The following LIN7B variants were observed in gnomAD, a reference collection of about 807,000 sequenced individuals.
LIN7B encodes protein lin-7 homolog B.
In LIN7B, 16 loss-of-function variants were observed where a neutral mutation model predicts 27.9. The observed-to-expected ratio is 0.57, with a 90% CI of 0.39 to 0.87. The LOEUF (loss-of-function observed/expected upper bound fraction) is 0.87, where lower values mean the gene tolerates loss of function less well. Ranked by LOEUF, LIN7B falls within the 40% of genes least tolerant of loss-of-function variation. The pLI is 0.00. For missense variants in LIN7B, 291 were observed against 288.5 expected (o/e 1.01, Z -0.06); for synonymous variants, 147 against 120.8 (o/e 1.22, Z -1.42).
chr19:49,117,841 G>T lies in LIN7B; in HGVS notation c.439-14G>T. On this transcript the variant is annotated splice_polypyrimidine_tract_variant and intron_variant, in intron 4 of 5. Coordinates refer to ENST00000221459, the MANE Select transcript of LIN7B (RefSeq NM_022165.3). ...GCGGGCCCCAGGCTCAGCTGTCTGT[G>T]TTGGGCCCTGCAGAGCGTTGAGGGT... is the stretch of plus-strand genomic sequence containing the variant. The T allele has an allele frequency of 6.2e-7, 1 of 1,612,352 alleles. No homozygotes were observed. The highest frequency in any genetic ancestry group is 8.5e-7 in the Non-Finnish European group (1 of 1,178,718).
At chr19:49,116,139 C>T (rs1368510153) in intron 3 of LIN7B, 124 bp from the exon 4 acceptor site, 1 of 713,322 alleles carries the variant, frequency 1.4e-6, no homozygotes, top group Non-Finnish European at 2.4e-6. Context: ...TGTGCCATGA[C>T]AAGTGTCCCA....
intron 3 of LIN7B, chr19:49,115,569 A>G (rs981558572): frequency 4.0e-6 from 2 of 498,570 alleles, no homozygotes; most frequent in African/African-American, 4.0e-5. Flanking sequence ...CAACATCTGT[A>G]CAGTGCAAAC....
In LIN7B at chr19:49,114,424, C is replaced by G; in HGVS notation, c.20C>G (p.Pro7Arg). The G allele has an allele frequency of 8.3e-7, 1 of 1,206,194 alleles. No individual in the cohort carries two copies. Among genetic ancestry groups the G allele is most frequent in the Non-Finnish European group, 1.0e-6 (1 of 971,442 alleles). 74.7% of individuals were successfully genotyped at this position (1,206,194 alleles called of 1,614,324 possible). Residue 7 changes from proline (P) to arginine (R), a missense_variant, in exon 1 of 6, where the codon CCG becomes CGG. Transcript: ENST00000221459. MAALVE[P>R]LGLERDVSRA... ...GCCGACATGGCTGCGCTGGTGGAGC[C>G]GCTGGGGCTGGAGCGGGGTAAGCGT...
In LIN7B at chr19:49,115,441, C is replaced by T. The variant is rs1008060066; in HGVS notation, c.228+110C>T. 2.7e-5 allele frequency: 25 copies of T among 943,334 alleles called. No individual in the cohort carries two copies. The African/African-American group carries it at 4.0e-4, about 15-fold the overall frequency. 58.4% of individuals were successfully genotyped at this position (943,334 alleles called of 1,614,324 possible). A position where few individuals can be genotyped will look rare whatever the true frequency, so the allele number is the denominator to read the frequency against. On this transcript the variant is annotated intron_variant, in intron 3 of 5. Transcript: ENST00000221459. Reference sequence around the variant, plus strand: ...TCCTCCCTCATGATTTTTGCTAAATCTATGTGCCACCTTACTATTAGTAAA... The same window carrying T: ...TCCTCCCTCATGATTTTTGCTAAATTTATGTGCCACCTTACTATTAGTAAA...
chr19:49,115,152 G>C, intron 2 of LIN7B, 108 bp from the exon 3 acceptor site: 2 of 1,030,668 alleles, frequency 1.9e-6, no homozygotes, highest in Admixed American at 3.2e-5. Flanking sequence ...TGTTGCGGGG[G>C]CGGGGCGGAT....
chr19:49,116,325 C>G lies in LIN7B; in HGVS notation c.291C>G (p.Pro97=). 1 of 1,614,176 alleles carries G rather than the reference C, an allele frequency of 6.2e-7. No individual in the cohort carries two copies. Among genetic ancestry groups the G allele is most frequent in the South Asian group, 1.1e-5 (1 of 91,076 alleles). ...GHAHPRVVEL[P]KTDEGLGFNI... is the part of the protein sequence containing the mutation. ...CACATCCCAGGGTAGTGGAGCTACC[C>G]AAGACGGATGAGGGCCTAGGCTTCA... Residue 97 remains proline, a synonymous_variant, in exon 4 of 6, where the codon CCC becomes CCG. Transcript: ENST00000221459.
Position 49,117,903 on chromosome 19 carries a change from G to C in LIN7B, c.487G>C (p.Ala163Pro). 6.2e-7 allele frequency: 1 copy of C among 1,614,028 alleles called. No individual in the cohort carries two copies. Among genetic ancestry groups the C allele is most frequent in the Non-Finnish European group, 8.5e-7 (1 of 1,179,958 alleles). ...HEKAVELLKA[A>P]QGSVKLVVRY... ...GAAGGCGGTGGAGCTGCTGAAGGCGGCCCAGGGCTCGGTGAAGCTGGTTGT... is the reference window on the plus strand; with the variant it reads ...GAAGGCGGTGGAGCTGCTGAAGGCGCCCCAGGGCTCGGTGAAGCTGGTTGT... Residue 163 changes from alanine (A) to proline (P), a missense_variant, in exon 5 of 6, where the codon GCC (alanine) becomes CCC (proline). Transcript: ENST00000221459.
intron 4 of LIN7B, among the ~76,000 whole-genome samples, chr19:49,117,375 C>T (rs7252599): frequency 0.3 from 44,983 of 151,544 alleles, 6,999 homozygotes; most frequent in African/African-American, 0.34. Context: ...CCCATGGGTG[C>T]TGGGGAGCTA....
intron 4 of LIN7B, among the ~76,000 whole-genome samples, chr19:49,116,960 G>A (rs921460430): frequency 6.6e-6 from 1 of 152,022 alleles, no homozygotes; most frequent in Admixed American, 6.6e-5. Flanking sequence ...AATCACTGTG[G>A]TTAGGCTGGG....
chr19:49,117,793 C>T, intron 4 of LIN7B, 62 bp from the exon 5 acceptor site: 2 of 1,488,154 alleles, frequency 1.3e-6, no homozygotes, highest in East Asian at 2.3e-5. Flanking sequence ...GTCCCATCTC[C>T]CAGTGGGGGC....
rs1357531350 is a variant in LIN7B, at chr19:49,114,838, C to T, written c.38-11C>T. On this transcript the variant is annotated splice_polypyrimidine_tract_variant and intron_variant, in intron 1 of 5. Coordinates refer to ENST00000221459, the MANE Select transcript of LIN7B (RefSeq NM_022165.3). ...CACTCGGGGTTTCTGCGCCCCGCCC[C>T]CGCCCCGCAGACGTGTCCCGGGCGG... 3 of 1,417,440 alleles carry T rather than the reference C, an allele frequency of 2.1e-6. No homozygotes were observed. The highest frequency in any genetic ancestry group is 2.8e-6 in the Non-Finnish European group (3 of 1,083,766). 87.8% of individuals were successfully genotyped at this position (1,417,440 alleles called of 1,614,324 possible).
rs750181456 is a variant in LIN7B, at chr19:49,114,984, G to A, written c.156+17G>A. ...ATCCGAGAGGTGAGGGGCGCGCGGCGCAGGGGCGCGAGCTGGTGGCCGTCG... is the reference window on the plus strand; with the variant it reads ...ATCCGAGAGGTGAGGGGCGCGCGGCACAGGGGCGCGAGCTGGTGGCCGTCG... On this transcript the variant is annotated intron_variant, in intron 2 of 5. Transcript: ENST00000221459. 4.2e-5 allele frequency: 58 copies of A among 1,377,336 alleles called. No individual in the cohort carries two copies. Among genetic ancestry groups the A allele is most frequent in the Non-Finnish European group, 1.0e-5 (11 of 1,052,694 alleles). 85.3% of individuals were successfully genotyped at this position (1,377,336 alleles called of 1,614,324 possible).
Position 49,118,456 on chromosome 19 carries a change from C to T in LIN7B, c.*83C>T. ...GGCACTTTATTTAAAGATATTTGAC[C>T]CTCACTGAGTGTCTGTGTGTCTGTC... On this transcript the variant is annotated 3_prime_UTR_variant, in exon 6 of 6. Coordinates refer to ENST00000221459, the MANE Select transcript of LIN7B (RefSeq NM_022165.3). 3 of 1,562,196 alleles carry T rather than the reference C, an allele frequency of 1.9e-6. No homozygotes were observed. Among genetic ancestry groups the T allele is most frequent in the South Asian group, 1.1e-5 (1 of 89,948 alleles).
chr19:49,118,244 A>T, intron 5 of LIN7B, 108 bp from the exon 6 acceptor site: 1 of 1,378,850 alleles, frequency 7.3e-7, no homozygotes, highest in Non-Finnish European at 1.0e-6. Flanking sequence ...TGTGGCTGGG[A>T]TCCCTCAGCC....
At chr19:49,118,233 C>A in intron 5 of LIN7B, 119 bp from the exon 6 acceptor site, 1 of 1,356,860 alleles carries the variant, frequency 7.4e-7, no homozygotes, top group Non-Finnish European at 1.0e-6. Flanking sequence ...ACGGAACCTA[C>A]TGTGGCTGGG....
Position 49,116,467 on chromosome 19 carries a change from G to C in LIN7B, c.433G>C (p.Gly145Arg), listed in dbSNP as rs768322447. The C allele has an allele frequency of 6.2e-7, 1 of 1,613,586 alleles. No individual in the cohort carries two copies. Among genetic ancestry groups the C allele is most frequent in the African/African-American group, 1.3e-5 (1 of 74,926 alleles). The change falls in exon 4 of 6, where the codon GGT becomes CGT. Residue 145 changes from glycine (G) to arginine (R), a missense_variant. Coordinates refer to ENST00000221459, the MANE Select transcript of LIN7B (RefSeq NM_022165.3). The part of the protein sequence containing the change: ...KRGDQLLSVN[G>R]VSVEGEQHEK... ...TGGGGATCAACTGTTGTCGGTGAAC[G>C]GTGTGGTGAGTGGAGGGCTGAGGCA... is the stretch of plus-strand genomic sequence containing the variant.
At chr19:49,116,759 TACAGGA>T (rs1262093429) in intron 4 of LIN7B, among the ~76,000 whole-genome samples, 1 of 152,176 alleles carries the variant, frequency 6.6e-6, no homozygotes, top group Non-Finnish European at 1.5e-5. Flanking sequence ...CCAGCATAGA[TACAGGA>T]AGGTTTTGCA....
At chr19:49,116,671 C>T (rs977015680) in intron 4 of LIN7B, among the ~76,000 whole-genome samples, 199 bp downstream of exon 4, 3 of 152,198 alleles carry the variant, frequency 2.0e-5, no homozygotes, top group Non-Finnish European at 2.9e-5. Flanking sequence ...CAGTAGGCCC[C>T]GGCTGAAATA....
At position 49,115,305 on chromosome 19, in the gene LIN7B, G is replaced by T; in HGVS notation, c.202G>T (p.Glu68Ter). 1 of 1,572,444 alleles carries T rather than the reference G, an allele frequency of 6.4e-7. No individual in the cohort carries two copies. The change falls in exon 3 of 6, where the codon GAG becomes TAG. Residue 68 changes from glutamate (E) to a stop codon, truncating the protein, a stop_gained. Coordinates refer to ENST00000221459, the MANE Select transcript of LIN7B (RefSeq NM_022165.3). LOFTEE classifies it high-confidence loss of function. ...YDTLDITGSAEIRAHATAKAT... is the reference protein window; with the variant it reads ...YDTLDITGSA ...CACGCTGGACATCACCGGCAGCGCC[G>T]AGATCCGAGCCCATGCCACAGCCAA... is the stretch of plus-strand genomic sequence containing the variant.
Sources: allele counts gnomAD v4.1 joint callset (sites outside exome capture counted in the v4.1 genomes callset), GRCh38; gene constraint gnomAD v4.1.1; transcripts MANE v1.5; gene names NCBI Gene and HGNC (gene_info 2026-07-23, HGNC 2026-07-21).